Variants in MAML3 observed in about 807,000 individuals in gnomAD.
MAML3 encodes the protein mastermind-like protein 3.
MAML3 carries 27 observed loss-of-function variants against 101.9 expected under a neutral mutation model. The ratio of observed to expected loss-of-function variants is 0.27; its 90% confidence interval spans 0.20 to 0.37. The LOEUF is 0.37. MAML3 is among the 10% of genes least tolerant of loss of function. The pLI is 1.00. For synonymous variants in MAML3, 501 were observed against 555.9 expected (o/e 0.90, Z 1.39); for missense variants, 1,316 against 1,444.9 (o/e 0.91, Z 1.45).
intron 2 of MAML3, among the ~76,000 whole-genome samples, chr4:139,887,442 T>A (rs1732366845): frequency 6.6e-6 from 1 of 152,196 alleles, no homozygotes; most frequent in African/African-American, 2.4e-5. Flanking sequence ...CAGAAAAACA[T>A]CACTTTGCTT....
intron 1 of MAML3, among the ~76,000 whole-genome samples, chr4:139,990,479 G>A (rs1375382938): frequency 2.0e-5 from 3 of 149,946 alleles, no homozygotes; most frequent in Non-Finnish European, 3.0e-5. Context: ...CATTCCCTTT[G>A]AAAACTGGCA....
At position 140,153,127 on chromosome 4, in the gene MAML3, A is replaced by C. The variant is rs1034695955; in HGVS notation, c.201T>G (p.Val67=). ...GCTCCACCACGGTGCTGTGCTTGGG[A>C]ACGGCCGCCGAACCGCCGCCGGGGC... ...SGGPGGGSAA[V]PKHSTVVERL... Residue 67 remains valine (V), a synonymous_variant, in exon 1 of 5, where the codon GTT becomes GTG. Transcript: ENST00000509479. 1.0e-5 allele frequency: 16 copies of C among 1,550,316 alleles called. No homozygotes were observed. Among genetic ancestry groups the C allele is most frequent in the African/African-American group, 1.4e-5 (1 of 73,012 alleles).
chr4:139,850,289 G>A (rs1474449864), intron 2 of MAML3, among the ~76,000 whole-genome samples: 1 of 152,180 alleles, frequency 6.6e-6, no homozygotes, highest in Non-Finnish European at 1.5e-5. Flanking sequence ...TACTGTCTCA[G>A]CACTCCTCGT....
At chr4:140,115,150 A>G (rs2111016685) in intron 1 of MAML3, among the ~76,000 whole-genome samples, 1 of 152,322 alleles carries the variant, frequency 6.6e-6, no homozygotes, top group East Asian at 1.9e-4. Flanking sequence ...TATGTAAAAT[A>G]ATTTGTTTTC....
At chr4:139,829,716 T>C (rs1442658216) in intron 2 of MAML3, among the ~76,000 whole-genome samples, 1 of 152,136 alleles carries the variant, frequency 6.6e-6, no homozygotes, top group African/African-American at 2.4e-5. Flanking sequence ...GCTAGGAAAA[T>C]CTTGTCTGTA....
intron 1 of MAML3, among the ~76,000 whole-genome samples, chr4:140,032,310 T>G (rs1049030265): frequency 6.6e-6 from 1 of 152,196 alleles, no homozygotes; most frequent in Non-Finnish European, 1.5e-5. Context: ...CAGGCAAAAT[T>G]GAAAGTGGCT....
At position 139,780,235 on chromosome 4, in the gene MAML3, T is replaced by C. The variant is rs1730173786; in HGVS notation, c.2080-49568A>G. 2.0e-5 allele frequency among the ~76,000 whole-genome samples: 3 copies of C among 152,346 alleles called. 1 individual carries two copies. In the South Asian group the frequency reaches 6.2e-4, roughly 32 times the overall value. On this transcript the variant is annotated intron_variant, in intron 2 of 4. Coordinates refer to ENST00000509479, the MANE Select transcript of MAML3 (RefSeq NM_018717.5). Reference sequence around the variant, plus strand: ...TCTCTCCCATTCCAGAAAGTTCCATTGGACGGCTCTGACCCAGAAAACTCA... The same window carrying C: ...TCTCTCCCATTCCAGAAAGTTCCATCGGACGGCTCTGACCCAGAAAACTCA...
intron 2 of MAML3, among the ~76,000 whole-genome samples, chr4:139,885,567 A>C (rs1236541189): frequency 6.6e-6 from 1 of 151,924 alleles, no homozygotes; most frequent in Non-Finnish European, 1.5e-5. Context: ...GTAAGAAGAA[A>C]ATTAGAGACA....
chr4:140,043,474 C>T (rs1727121421), intron 1 of MAML3, among the ~76,000 whole-genome samples: 1 of 152,170 alleles, frequency 6.6e-6, no homozygotes, highest in South Asian at 2.1e-4. Context: ...CATGACCTTC[C>T]AAAAATTTCT....
chr4:139,859,272 GC>G (rs1337836920), intron 2 of MAML3, among the ~76,000 whole-genome samples: 1 of 150,852 alleles, frequency 6.6e-6, no homozygotes, highest in Non-Finnish European at 1.5e-5. Context: ...TGTTGCCCAG[GC>G]TGGAGTGCAG....
chr4:139,817,019 G>T (rs1002686406), intron 2 of MAML3, among the ~76,000 whole-genome samples: 1 of 152,100 alleles, frequency 6.6e-6, no homozygotes, highest in African/African-American at 2.4e-5. Context: ...TTTGTCGCCT[G>T]TGTACAACAC....
intron 2 of MAML3, among the ~76,000 whole-genome samples, chr4:139,801,950 G>A (rs925303408): frequency 6.6e-6 from 1 of 152,162 alleles, no homozygotes; most frequent in African/African-American, 2.4e-5. Flanking sequence ...AGCAGAAAGG[G>A]GCCAGATGGA....
intron 1 of MAML3, among the ~76,000 whole-genome samples, chr4:140,120,947 T>G (rs1035641681): frequency 6.6e-6 from 1 of 150,944 alleles, no homozygotes; most frequent in Non-Finnish European, 1.5e-5. Flanking sequence ...ACAAAAATCT[T>G]TTGGGCTAAA....
chr4:139,838,703 T>A (rs1277199557), intron 2 of MAML3, among the ~76,000 whole-genome samples: 1 of 152,214 alleles, frequency 6.6e-6, no homozygotes, highest in Non-Finnish European at 1.5e-5. Flanking sequence ...AAAATGGTGT[T>A]CTGCTATGTT....
rs917470223 is a variant in MAML3 at position 139,717,290 on chromosome 4, C to T, written c.*2033G>A. On this transcript the variant is annotated 3_prime_UTR_variant, in exon 5 of 5. Coordinates refer to ENST00000509479, the MANE Select transcript of MAML3 (RefSeq NM_018717.5). ...TGTCTGTCTCACTTCCATTAGCCAC[C>T]TCCAGTTTCTCATCATTGCTTATAT... 12 of 152,542 alleles carry T rather than the reference C, an allele frequency of 7.9e-5. No homozygotes were observed. The highest frequency in any genetic ancestry group is 2.9e-4 in the African/African-American group (12 of 41,392). The allele number at this position is 152,542 out of a possible 1,614,324, so 9.4% of individuals were successfully genotyped here.
chr4:140,068,780 A>G (rs931414181), intron 1 of MAML3, among the ~76,000 whole-genome samples: 7 of 152,192 alleles, frequency 4.6e-5, no homozygotes, highest in African/African-American at 1.7e-4. Flanking sequence ...CACTCAATAA[A>G]TATGTGTTGT....
In MAML3 at chr4:139,864,331, A is replaced by C. The variant is rs544678907; in HGVS notation, c.2079+25026T>G. ...GGCTTCAAATTCACACTCCAGTATA[A>C]TAATTAATTACTCATACTATGACTT... On this transcript the variant is annotated intron_variant, in intron 2 of 4. Transcript: ENST00000509479. Among the ~76,000 whole-genome samples, 7 of 152,278 alleles carry C rather than the reference A, an allele frequency of 4.6e-5. No individual in the cohort carries two copies. In the South Asian group the frequency reaches 1.5e-3, roughly 32 times the overall value.
chr4:139,768,044 G>C (rs986639426), intron 2 of MAML3, among the ~76,000 whole-genome samples: 3 of 152,040 alleles, frequency 2.0e-5, no homozygotes, highest in Admixed American at 6.5e-5. Context: ...ATCTTTGTTG[G>C]CCACTCATAT....
intron 1 of MAML3, among the ~76,000 whole-genome samples, chr4:139,900,736 G>A (rs1732702593): frequency 6.6e-6 from 1 of 152,196 alleles, no homozygotes. Context: ...ATCTCACGTA[G>A]TTTTCAGTAG....
Sources: gnomAD v4.1 joint callset for allele counts (sites outside exome capture counted in the v4.1 genomes callset) on GRCh38, gnomAD v4.1.1 for gene constraint, MANE v1.5 for transcripts, NCBI Gene and HGNC (gene_info 2026-07-23, HGNC 2026-07-21) for gene names.